The following SLC24A2 variants were observed in gnomAD, a reference collection of about 807,000 sequenced individuals.
The protein encoded by SLC24A2 is sodium/potassium/calcium exchanger 2.
Under a neutral mutation model 62.0 loss-of-function variants are expected in SLC24A2, and 36 were observed. That is an observed-to-expected ratio of 0.58 (90% confidence interval 0.44 to 0.77). The LOEUF (loss-of-function observed/expected upper bound fraction) is 0.77, where lower values mean the gene tolerates loss of function less well. Ranked by LOEUF, SLC24A2 falls within the 30% of genes least tolerant of loss-of-function variation. The pLI, the probability that SLC24A2 is intolerant of heterozygous loss-of-function variation, is 0.00. For missense variants in SLC24A2, 846 were observed against 817.9 expected (o/e 1.03, Z -0.42); for synonymous variants, 358 against 294.0 (o/e 1.22, Z -2.23).
At chr9:20,211,000 T>C in the SLC24A2 span, among the ~76,000 whole-genome samples, 2 of 152,040 alleles carry the variant, frequency 1.3e-5, no homozygotes, top group Non-Finnish European at 2.9e-5. Flanking sequence ...GGCAGAACTT[T>C]AGGTTTTAGA....
chr9:19,694,019 T>A (rs899066003), intron 2 of SLC24A2, among the ~76,000 whole-genome samples: 11 of 152,040 alleles, frequency 7.2e-5, no homozygotes, highest in African/African-American at 2.7e-4. Context: ...AATTTTCAAA[T>A]TCTCACTGCT....
chr9:20,096,451 G>A, the SLC24A2 span, among the ~76,000 whole-genome samples: 2 of 151,926 alleles, frequency 1.3e-5, no homozygotes, highest in South Asian at 2.1e-4. Context: ...TATCTTTCCT[G>A]TCATCGGTTT....
chr9:19,543,780 C>T (rs568002120), intron 8 of SLC24A2, among the ~76,000 whole-genome samples: 1 of 152,140 alleles, frequency 6.6e-6, no homozygotes, highest in African/African-American at 2.4e-5. Context: ...TTTGATTGCA[C>T]TATGGTCTGA....
the SLC24A2 span, among the ~76,000 whole-genome samples, chr9:19,960,356 C>T: frequency 6.6e-6 from 1 of 152,026 alleles, no homozygotes; most frequent in African/African-American, 2.4e-5. Flanking sequence ...TATTCTATTT[C>T]TTTAAATGCT....
At chr9:19,975,140 A>C in the SLC24A2 span, among the ~76,000 whole-genome samples, 1 of 152,338 alleles carries the variant, frequency 6.6e-6, no homozygotes, top group African/African-American at 2.4e-5. Flanking sequence ...GTTTAGGCCA[A>C]AAGAACACAA....
At chr9:19,964,061 C>T in the SLC24A2 span, among the ~76,000 whole-genome samples, 1 of 151,818 alleles carries the variant, frequency 6.6e-6, no homozygotes, top group Non-Finnish European at 1.5e-5. Context: ...GAGTTCATGT[C>T]CTTTGTAGGG....
At chr9:19,870,377 T>C in the SLC24A2 span, among the ~76,000 whole-genome samples, 1 of 152,242 alleles carries the variant, frequency 6.6e-6, no homozygotes, top group African/African-American at 2.4e-5. Flanking sequence ...GGCTGAACAA[T>C]ATTCTGTTGT....
the SLC24A2 span, among the ~76,000 whole-genome samples, chr9:20,288,191 A>C: frequency 6.6e-6 from 1 of 152,334 alleles, no homozygotes; most frequent in East Asian, 1.9e-4. Flanking sequence ...GGGCAGGGGC[A>C]GGGGAGTATA....
intron 5 of SLC24A2, among the ~76,000 whole-genome samples, chr9:19,593,122 G>A (rs1836605592): frequency 6.6e-6 from 1 of 152,246 alleles, no homozygotes; most frequent in African/African-American, 2.4e-5. Flanking sequence ...TCGCCTGCCA[G>A]GCACAGTGCT....
chr9:19,792,433 G>A (rs1372741399), upstream of SLC24A2, among the ~76,000 whole-genome samples: 3 of 150,598 alleles, frequency 2.0e-5, no homozygotes, highest in Non-Finnish European at 4.4e-5. Context: ...GGTGGCTCAC[G>A]CCTTTAATCC....
the SLC24A2 span, among the ~76,000 whole-genome samples, chr9:19,906,876 C>G: frequency 1.3e-5 from 2 of 152,176 alleles, no homozygotes; most frequent in African/African-American, 2.4e-5. Context: ...GATGGATTCA[C>G]AGCCGAATTC....
chr9:19,879,884 C>T, the SLC24A2 span, among the ~76,000 whole-genome samples: 1 of 151,998 alleles, frequency 6.6e-6, no homozygotes, highest in Non-Finnish European at 1.5e-5. Flanking sequence ...TTACCTTGAT[C>T]CCCTCATTTT....
chr9:19,836,382 A>T, the SLC24A2 span, among the ~76,000 whole-genome samples: 1 of 152,206 alleles, frequency 6.6e-6, no homozygotes, highest in Non-Finnish European at 1.5e-5. Flanking sequence ...GCAATAAAAA[A>T]TGACAAAGGG....
chr9:20,290,083 A>T, the SLC24A2 span, among the ~76,000 whole-genome samples: 1 of 152,112 alleles, frequency 6.6e-6, no homozygotes, highest in African/African-American at 2.4e-5. Flanking sequence ...TTCGCCCTGC[A>T]CCCAACCCCA....
At chr9:19,735,762 A>C (rs541163766) in intron 2 of SLC24A2, among the ~76,000 whole-genome samples, 84 of 152,204 alleles carry the variant, frequency 5.5e-4, no homozygotes, top group African/African-American at 1.8e-3. Context: ...GCAAGGACAA[A>C]AAACCAAACA....
chr9:19,940,477 C>A, the SLC24A2 span, among the ~76,000 whole-genome samples: 3 of 152,302 alleles, frequency 2.0e-5, no homozygotes, highest in East Asian at 5.8e-4. Context: ...TGAGTGTCAA[C>A]TTCCTCGTGT....
chr9:20,301,184 C>G, the SLC24A2 span, among the ~76,000 whole-genome samples: 3 of 152,202 alleles, frequency 2.0e-5, no homozygotes, highest in Non-Finnish European at 4.4e-5. Context: ...CTTGGCTTCT[C>G]AGCCTTTGGC....
chr9:19,786,034 A>C lies in SLC24A2; in HGVS notation c.833T>G (p.Val278Gly). ...TACTTGGACGTTGAATTTCATGAAA[A>C]CCACATAGCAAAAATAAGCTGTTAA... ...LLLTAYFCYV[V>G]FMKFNVQVEK... Residue 278 changes from valine (V) to glycine (G), a missense_variant, in exon 2 of 11, where the codon GTT becomes GGT. By Grantham distance (109) the Val-to-Gly change is moderately radical. Coordinates refer to ENST00000341998, the MANE Select transcript of SLC24A2 (RefSeq NM_020344.4). This position sits in a 1 kb window ranked among gnomAD's most constrained non-coding sequence, Gnocchi z 5.0. 2 of 1,614,120 alleles carry C rather than the reference A, an allele frequency of 1.2e-6. No individual in the cohort carries two copies. The highest frequency in any genetic ancestry group is 1.7e-6 in the Non-Finnish European group (2 of 1,179,952).
intron 2 of SLC24A2, among the ~76,000 whole-genome samples, chr9:19,628,646 T>C (rs946597218): frequency 6.6e-6 from 1 of 152,312 alleles, no homozygotes; most frequent in Non-Finnish European, 1.5e-5. Flanking sequence ...GAATTTCCTT[T>C]GACTAGTAAA....
Sources: gnomAD v4.1 joint callset for allele counts (sites outside exome capture counted in the v4.1 genomes callset) on GRCh38, gnomAD v4.1.1 for gene constraint, Gnocchi (gnomAD v3.1) non-coding constraint, MANE v1.5 for transcripts, NCBI Gene and HGNC (gene_info 2026-07-23, HGNC 2026-07-21) for gene names.